CTNNA2: variants seen among roughly 807,000 people sequenced by gnomAD.
CTNNA2 encodes the protein catenin alpha-2.
In CTNNA2, 42 loss-of-function variants were observed where a neutral mutation model predicts 101.0. The ratio of observed to expected loss-of-function variants is 0.42; its 90% CI spans 0.32 to 0.54. CTNNA2 has a LOEUF of 0.54. CTNNA2 is among the 20% of genes least tolerant of loss of function. The pLI is 0.14. For missense variants in CTNNA2, 871 were observed against 1,223.1 expected, an observed-to-expected ratio of 0.71 and a Z score of 4.29; for synonymous variants, 450 against 456.4, an observed-to-expected ratio of 0.99 and a Z score of 0.18.
chr2:79,535,499 C>T lies in CTNNA2; in HGVS notation c.-6+22292C>T, dbSNP rs149692790. Among the ~76,000 whole-genome samples, 1,750 of 151,964 alleles carry T rather than the reference C, an allele frequency of 0.012. 100 individuals carry two copies. In the East Asian group the frequency reaches 0.15, roughly 13 times the overall value. ...GATTACAGGGGTGAGCCACTGCACC[C>T]GGCCCATATTTTGCTTTTATAACCA... On this transcript the variant is annotated intron_variant, in intron 1 of 18. Transcript: ENST00000402739.
chr2:80,463,648 G>A (rs1000834948), intron 9 of CTNNA2, among the ~76,000 whole-genome samples: 3 of 152,150 alleles, frequency 2.0e-5, no homozygotes, highest in Admixed American at 6.5e-5. Flanking sequence ...ACCCTATGAA[G>A]CTTGTGATGA....
At chr2:80,505,450 G>T (rs1427896202) in intron 9 of CTNNA2, among the ~76,000 whole-genome samples, 1 of 152,158 alleles carries the variant, frequency 6.6e-6, no homozygotes, top group Non-Finnish European at 1.5e-5. Context: ...CTTTAAGTCT[G>T]CCATTGGCCT....
At chr2:79,382,323 G>C (rs1678048719) in intron 4 of CTNNA2, among the ~76,000 whole-genome samples, 1 of 151,858 alleles carries the variant, frequency 6.6e-6, no homozygotes, top group Non-Finnish European at 1.5e-5. Flanking sequence ...TTAGATCATG[G>C]GACTTCTCAG....
intron 3 of CTNNA2, among the ~76,000 whole-genome samples, chr2:79,810,953 G>T (rs1390696764): frequency 6.6e-6 from 1 of 151,562 alleles, no homozygotes; most frequent in Non-Finnish European, 1.5e-5. Context: ...TTGGTTCCAA[G>T]TCTTTGCTAT....
At chr2:80,387,762 C>T (rs1001077592) in intron 7 of CTNNA2, among the ~76,000 whole-genome samples, 7 of 152,110 alleles carry the variant, frequency 4.6e-5, no homozygotes, top group Admixed American at 3.9e-4. Flanking sequence ...AAATTTATTC[C>T]CTTTGCTCTC....
intron 9 of CTNNA2, among the ~76,000 whole-genome samples, chr2:80,471,608 C>G (rs543060580): frequency 6.6e-6 from 1 of 152,132 alleles, no homozygotes; most frequent in Non-Finnish European, 1.5e-5. Flanking sequence ...AAAGGTTTAC[C>G]TAATTTCCAG....
intron 7 of CTNNA2, among the ~76,000 whole-genome samples, chr2:79,926,026 C>T (rs1003206175): frequency 1.3e-5 from 2 of 152,062 alleles, no homozygotes; most frequent in African/African-American, 4.8e-5. Context: ...AGATAGCAGA[C>T]CTATCCTGAA....
intron 1 of CTNNA2, among the ~76,000 whole-genome samples, chr2:79,588,142 G>C (rs997832950): frequency 2.2e-4 from 33 of 152,318 alleles, no homozygotes; most frequent in African/African-American, 7.7e-4. Flanking sequence ...AGATCCTGGG[G>C]ATATGGAGGA....
rs573955460 is a variant in CTNNA2 at position 79,403,984 on chromosome 2, TTTTTGAGCTAGTTCAGTAGGTCTGTTA to T, written c.-135+29986_-135+30012del. Among the ~76,000 whole-genome samples the T allele has an allele frequency of 1.1e-3, 163 of 152,120 alleles. No homozygotes were observed. The East Asian group carries it at 0.03, about 28-fold the overall frequency. On this transcript the variant is annotated intron_variant, in intron 4 of 21. Transcript: ENST00000466387. Reference sequence around the variant, plus strand: ...ACAGTCCTGGATGCTTAATCTATTATTTTTGAGCTAGTTCAGTAGGTCTGTTATTTTGAGCTAGTTCCGTAGAATTTA... The same window carrying T: ...ACAGTCCTGGATGCTTAATCTATTATTTTTGAGCTAGTTCCGTAGAATTTA...
chr2:79,995,472 CAGA>C (rs1692475521), intron 7 of CTNNA2, among the ~76,000 whole-genome samples: 1 of 152,098 alleles, frequency 6.6e-6, no homozygotes, highest in East Asian at 1.9e-4. Context: ...ATTATCTACA[CAGA>C]AGAATAAAAT....
At chr2:80,297,487 A>G (rs187043704) in intron 7 of CTNNA2, among the ~76,000 whole-genome samples, 136 of 152,260 alleles carry the variant, frequency 8.9e-4, no homozygotes, top group African/African-American at 3.1e-3. Flanking sequence ...TCTCATTTAT[A>G]TCTTTGTCTA....
intron 2 of CTNNA2, among the ~76,000 whole-genome samples, chr2:79,267,919 A>G (rs1311029518): frequency 1.3e-5 from 2 of 152,154 alleles, no homozygotes; most frequent in African/African-American, 4.8e-5. Flanking sequence ...AACTTCCTTG[A>G]CAGAATATAG....
intron 12 of CTNNA2, among the ~76,000 whole-genome samples, chr2:80,558,254 A>G (rs1260079435): frequency 2.0e-5 from 3 of 152,222 alleles, no homozygotes; most frequent in African/African-American, 7.2e-5. Flanking sequence ...TTTCTGAAAC[A>G]GGAATAATGT....
chr2:79,535,955 G>A (rs996330941), intron 1 of CTNNA2, among the ~76,000 whole-genome samples: 15 of 152,172 alleles, frequency 9.9e-5, no homozygotes, highest in South Asian at 6.2e-4. Context: ...GAATGGACAC[G>A]TACGTGAACA....
chr2:79,603,580 G>A (rs959008663), intron 1 of CTNNA2, among the ~76,000 whole-genome samples: 1 of 152,068 alleles, frequency 6.6e-6, no homozygotes, highest in African/African-American at 2.4e-5. Context: ...ACGAGCCAAA[G>A]CTCTGAATAC....
chr2:80,229,899 A>G (rs181950448), intron 7 of CTNNA2, among the ~76,000 whole-genome samples: 36 of 152,270 alleles, frequency 2.4e-4, no homozygotes, highest in Admixed American at 1.5e-3. Flanking sequence ...GGGGTTCTCT[A>G]TATAATGTTT....
At chr2:79,225,098 C>T (rs1674391920) in intron 2 of CTNNA2, among the ~76,000 whole-genome samples, 1 of 151,800 alleles carries the variant, frequency 6.6e-6, no homozygotes, top group Non-Finnish European at 1.5e-5. Flanking sequence ...GGCCACAGGT[C>T]TTTTTGCGGA....
intron 8 of CTNNA2, among the ~76,000 whole-genome samples, chr2:80,408,085 G>A (rs1046763147): frequency 1.3e-5 from 2 of 152,164 alleles, no homozygotes; most frequent in Non-Finnish European, 2.9e-5. Flanking sequence ...TCACTCAACA[G>A]CATCTTATTC....
chr2:80,557,249 A>C (rs1194613027), intron 12 of CTNNA2, among the ~76,000 whole-genome samples: 1 of 152,244 alleles, frequency 6.6e-6, no homozygotes, highest in African/African-American at 2.4e-5. Flanking sequence ...GAGAGTCAGC[A>C]CTGCTTTCTT....
Sources: allele counts gnomAD v4.1 joint callset (sites outside exome capture counted in the v4.1 genomes callset), GRCh38; gene constraint gnomAD v4.1.1; transcripts MANE v1.5; gene names NCBI Gene and HGNC (gene_info 2026-07-23, HGNC 2026-07-21).